C4orf50: variants seen among roughly 807,000 people sequenced by gnomAD.
C4orf50 encodes the protein uncharacterized protein C4orf50.
In C4orf50, 80 loss-of-function variants were observed where a neutral mutation model predicts 77.2. That is an observed-to-expected ratio of 1.04 (90% CI 0.87 to 1.25). C4orf50 has a LOEUF of 1.25. Ranked by LOEUF, C4orf50 falls within the 50% of genes most tolerant of loss-of-function variation. C4orf50 has a pLI of 0.00. For synonymous variants in C4orf50, 532 were observed against 465.3 expected, an observed-to-expected ratio of 1.14 and a Z score of -1.84; for missense variants, 1,257 against 1,152.9, an observed-to-expected ratio of 1.09 and a Z score of -1.31.
chr4:5,917,401 TATTTC>T (rs1717073575), intron 7 of C4orf50, among the ~76,000 whole-genome samples: 1 of 143,796 alleles, frequency 7.0e-6, no homozygotes, highest in Non-Finnish European at 1.5e-5. Flanking sequence ...TCAATTCCTG[TATTTC>T]TTTTTTTTTT....
intron 7 of C4orf50, among the ~76,000 whole-genome samples, chr4:5,943,751 A>G (rs1218407169): frequency 1.3e-5 from 2 of 152,220 alleles, no homozygotes; most frequent in African/African-American, 4.8e-5. Context: ...CAGGAAATTG[A>G]GAACCTGACA....
At chr4:5,948,054 A>T (rs1175531647) in intron 7 of C4orf50, among the ~76,000 whole-genome samples, 2 of 152,072 alleles carry the variant, frequency 1.3e-5, no homozygotes, top group South Asian at 4.2e-4. Flanking sequence ...CCACCAATGA[A>T]CCTGCTTTTC....
At chr4:5,955,962 G>T (rs1211924617), downstream of C4orf50, among the ~76,000 whole-genome samples, 1 of 152,202 alleles carries the variant, frequency 6.6e-6, no homozygotes, top group Non-Finnish European at 1.5e-5. This position sits in a 1 kb window ranked among gnomAD's most constrained non-coding sequence, Gnocchi z 5.1. Context: ...AGAGGGCGAG[G>T]AGTGGAGTTT....
At chr4:5,946,719 T>G (rs55834413) in intron 7 of C4orf50, among the ~76,000 whole-genome samples, 50,302 of 151,942 alleles carry the variant, frequency 0.33, 8,693 homozygotes, top group Non-Finnish European at 0.37. Context: ...GTTTAGATTG[T>G]GCGGTCTGGC....
intron 7 of C4orf50, among the ~76,000 whole-genome samples, chr4:5,923,549 G>A (rs1023842784): frequency 6.6e-6 from 1 of 152,056 alleles, no homozygotes; most frequent in East Asian, 1.9e-4. Flanking sequence ...TGATAGAAAG[G>A]AGGCAGAACC....
At chr4:6,006,129 G>A (rs1466436033) in intron 25 of C4orf50, among the ~76,000 whole-genome samples, 2 of 152,308 alleles carry the variant, frequency 1.3e-5, no homozygotes, top group East Asian at 3.9e-4. Flanking sequence ...AGCGAGAATA[G>A]GAGGATAAAG....
intron 7 of C4orf50, among the ~76,000 whole-genome samples, chr4:5,936,295 C>T (rs80025516): frequency 0.015 from 2,218 of 152,030 alleles, 60 homozygotes; most frequent in African/African-American, 0.051. Flanking sequence ...GGTGCGGTGG[C>T]TCATGCCTGT....
At chr4:5,973,304 C>T (rs1178361284) in intron 31 of C4orf50, among the ~76,000 whole-genome samples, 1 of 152,170 alleles carries the variant, frequency 6.6e-6, no homozygotes, top group East Asian at 1.9e-4. Context: ...ATGGGGTGAC[C>T]AAAGCAGCCT....
At chr4:5,942,406 A>C (rs937567017) in intron 7 of C4orf50, among the ~76,000 whole-genome samples, 2 of 152,182 alleles carry the variant, frequency 1.3e-5, no homozygotes, top group Admixed American at 6.5e-5. Context: ...TTTCAGTTTC[A>C]ACATCTGTGA....
At chr4:5,967,034 T>A (rs1011276934) in intron 32 of C4orf50, among the ~76,000 whole-genome samples, 7 of 152,226 alleles carry the variant, frequency 4.6e-5, no homozygotes, top group Admixed American at 4.6e-4. Context: ...AATGACCATG[T>A]TGTATTTCAC....
At chr4:5,933,030 G>A (rs970748554) in intron 7 of C4orf50, among the ~76,000 whole-genome samples, 2 of 152,112 alleles carry the variant, frequency 1.3e-5, no homozygotes, top group African/African-American at 4.8e-5. Context: ...CAGAAGAGTT[G>A]CTCCCAGCAC....
At chr4:6,003,950 TG>T (rs1560598243) in intron 25 of C4orf50, among the ~76,000 whole-genome samples, 17 of 1,054 alleles carry the variant, frequency 0.016, no homozygotes, top group African/African-American at 0.03. Context: ...ATGGTGATGA[TG>T]GTGATGGTGA....
exon 28 of C4orf50, chr4:5,988,566 T>C: frequency 2.6e-6 from 4 of 1,536,844 alleles, no homozygotes; most frequent in Non-Finnish European, 3.5e-6. Context: ...CTGTCTGCCC[T>C]GCAGCCAGAC....
At chr4:5,940,736 A>C (rs1006054537) in intron 7 of C4orf50, among the ~76,000 whole-genome samples, 1 of 152,184 alleles carries the variant, frequency 6.6e-6, no homozygotes, top group African/African-American at 2.4e-5. Context: ...AGACCAATAG[A>C]AAGATGCAGA....
In C4orf50 at chr4:6,011,179, G is replaced by A. The variant is rs544151721; in HGVS notation, c.426+651C>T. Among the ~76,000 whole-genome samples, 1 of 152,158 alleles carries A rather than the reference G, an allele frequency of 6.6e-6. No individual in the cohort carries two copies. The highest frequency in any genetic ancestry group is 1.5e-5 in the Non-Finnish European group (1 of 68,038). ...TCCCCAAATGACCATCTGACCCTGA[G>A]GCTTCCCTACTTAAGTCCCCTAAAG... On this transcript the variant is annotated intron_variant, in intron 24 of 33. Coordinates refer to ENST00000531445, the Ensembl canonical transcript of C4orf50. This position sits in a 1 kb window ranked among gnomAD's most constrained non-coding sequence, Gnocchi z 4.2.
At chr4:5,978,194 G>C (rs1720389515) in intron 29 of C4orf50, among the ~76,000 whole-genome samples, 1 of 152,194 alleles carries the variant, frequency 6.6e-6, no homozygotes, top group Admixed American at 6.5e-5. Context: ...TGAGAAGTTG[G>C]AACCTTCCTA....
chr4:5,965,153 G>A lies in C4orf50; in HGVS notation c.4154-8C>T. 6.2e-7 allele frequency: 1 copy of A among 1,610,590 alleles called. No homozygotes were observed. Among genetic ancestry groups the A allele is most frequent in the Non-Finnish European group, 8.5e-7 (1 of 1,178,494 alleles). On this transcript the variant is annotated splice_polypyrimidine_tract_variant and splice_region_variant and intron_variant, in intron 32 of 33. Transcript: ENST00000531445. ...TCAAGAGGTATGTCTGAGCTGGAAG[G>A]GAAAATTCTCAGTCAAGCCTCCACC...
intron 28 of C4orf50, among the ~76,000 whole-genome samples, chr4:5,982,491 A>C (rs567575538): frequency 6.6e-6 from 1 of 152,330 alleles, no homozygotes; most frequent in Admixed American, 6.5e-5. Flanking sequence ...AGGTAGTTCA[A>C]CATTCAATAC....
chr4:5,991,940 C>T (rs1454087271), intron 27 of C4orf50, among the ~76,000 whole-genome samples: 2 of 152,192 alleles, frequency 1.3e-5, no homozygotes, highest in Non-Finnish European at 1.5e-5. Context: ...TCCTTCCATC[C>T]AGACACCAAG....
Sources: allele counts gnomAD v4.1 joint callset (sites outside exome capture counted in the v4.1 genomes callset), GRCh38; gene constraint gnomAD v4.1.1; non-coding constraint Gnocchi (gnomAD v3.1); transcripts MANE v1.5; gene names NCBI Gene and HGNC (gene_info 2026-07-23, HGNC 2026-07-21).